ELOC: variants seen among roughly 807,000 people sequenced by gnomAD.
ELOC encodes the protein elongin-C.
For missense variants in ELOC, 38 were observed against 139.0 expected, an observed-to-expected ratio of 0.27 and a Z score of 3.65; for synonymous variants, 40 against 51.3, an observed-to-expected ratio of 0.78 and a Z score of 0.94.
intron 3 of ELOC, among the ~76,000 whole-genome samples, chr8:73,953,621 T>C (rs1586598458): frequency 1.3e-5 from 2 of 151,818 alleles, no homozygotes; most frequent in Non-Finnish European, 2.9e-5. Context: ...GACTGCACCA[T>C]TGCACTGCAG....
chr8:73,948,192 C>G (rs921441868), intron 3 of ELOC, among the ~76,000 whole-genome samples: 2 of 127,950 alleles, frequency 1.6e-5, no homozygotes, highest in African/African-American at 3.0e-5. Flanking sequence ...AACTCCGTCT[C>G]AAAAAAAAAA....
rs187651381 is a variant in ELOC at position 73,950,075 on chromosome 8, T to C, written c.149-3255A>G. Among the ~76,000 whole-genome samples the C allele has an allele frequency of 3.9e-5, 6 of 152,220 alleles. No homozygotes were observed. The East Asian group carries it at 1.2e-3, about 29-fold the overall frequency. ...CCCAGATTGGGGCCCCTAAATACCATTTTCTACTAAAAACAGGGATTTTTG... is the reference window on the plus strand; with the variant it reads ...CCCAGATTGGGGCCCCTAAATACCACTTTCTACTAAAAACAGGGATTTTTG... On this transcript the variant is annotated intron_variant, in intron 3 of 3. Transcript: ENST00000520242.
At chr8:73,960,901 C>T (rs1175749212) in intron 1 of ELOC, among the ~76,000 whole-genome samples, 2 of 152,082 alleles carry the variant, frequency 1.3e-5, no homozygotes, top group Non-Finnish European at 2.9e-5. Flanking sequence ...TGCCTGAACC[C>T]AGGAGACTGA....
At chr8:73,948,582 A>G (rs550664347) in intron 3 of ELOC, among the ~76,000 whole-genome samples, 1 of 152,332 alleles carries the variant, frequency 6.6e-6, no homozygotes, top group South Asian at 2.1e-4. Context: ...AAGATAAAAC[A>G]AAACAAACAA....
At chr8:73,953,383 A>T (rs780372379) in intron 3 of ELOC, among the ~76,000 whole-genome samples, 50 of 148,394 alleles carry the variant, frequency 3.4e-4, no homozygotes, top group African/African-American at 1.3e-3. Context: ...TAGCAGTGAT[A>T]AAAAAAAGAG....
At chr8:73,951,843 T>C (rs781327670) in intron 3 of ELOC, among the ~76,000 whole-genome samples, 1 of 152,108 alleles carries the variant, frequency 6.6e-6, no homozygotes, top group Non-Finnish European at 1.5e-5. Flanking sequence ...GACAGACATA[T>C]AGATCAATGG....
chr8:73,963,116 G>A lies in ELOC; in HGVS notation c.-50-3298C>T, dbSNP rs574087940. Among the ~76,000 whole-genome samples the A allele has an allele frequency of 4.6e-5, 7 of 152,244 alleles. No individual in the cohort carries two copies. The South Asian group carries it at 8.3e-4, about 18-fold the overall frequency. ...GAACAATGGCCTGAGACGTCATTATGCTTTTAAGGTGTTACATATAAATAT... is the reference window on the plus strand; with the variant it reads ...GAACAATGGCCTGAGACGTCATTATACTTTTAAGGTGTTACATATAAATAT... On this transcript the variant is annotated intron_variant, in intron 1 of 3. Coordinates refer to ENST00000520242, the MANE Select transcript of ELOC (RefSeq NM_005648.4).
intron 1 of ELOC, among the ~76,000 whole-genome samples, chr8:73,962,578 A>AAC (rs1554596122): frequency 1.2e-3 from 183 of 151,804 alleles, no homozygotes; most frequent in South Asian, 6.7e-3. Context: ...AACAAAACAA[A>AAC]AAAAAAAACA....
At chr8:73,971,909 C>T (rs1203233595) in intron 1 of ELOC, 168 bp downstream of exon 1, 2 of 152,276 alleles carry the variant, frequency 1.3e-5, no homozygotes, top group Non-Finnish European at 1.5e-5. Flanking sequence ...CTCTTCTCCC[C>T]TCCCCCAAAC....
At chr8:73,956,901 G>T (rs1041514373) in intron 2 of ELOC, among the ~76,000 whole-genome samples, 3 of 152,132 alleles carry the variant, frequency 2.0e-5, no homozygotes, top group Non-Finnish European at 2.9e-5. Flanking sequence ...CAGCACTTTG[G>T]GAGGCCAAGG....
chr8:73,968,019 T>G (rs1012032700), intron 1 of ELOC, among the ~76,000 whole-genome samples: 5 of 152,140 alleles, frequency 3.3e-5, no homozygotes, highest in Non-Finnish European at 5.9e-5. Flanking sequence ...CTATGTGCAG[T>G]TCACAGTAAG....
intron 2 of ELOC, among the ~76,000 whole-genome samples, chr8:73,956,510 CCTT>C (rs1449139842): frequency 2.0e-5 from 3 of 152,076 alleles, no homozygotes; most frequent in African/African-American, 7.2e-5. Flanking sequence ...GTTTTTAACT[CCTT>C]GTTTTATACT....
At chr8:73,959,609 T>C (rs1158776564) in intron 2 of ELOC, among the ~76,000 whole-genome samples, 156 bp downstream of exon 2, 1 of 152,204 alleles carries the variant, frequency 6.6e-6, no homozygotes, top group African/African-American at 2.4e-5. Context: ...AAAATCATTA[T>C]GTAGGGCATG....
chr8:73,959,739 C>T, intron 2 of ELOC, 26 bp downstream of exon 2: 1 of 1,541,458 alleles, frequency 6.5e-7, no homozygotes, highest in Admixed American at 2.1e-5. Flanking sequence ...CTAGTTAAAA[C>T]ACAAAATTAA....
intron 3 of ELOC, 40 bp from the exon 4 acceptor site, chr8:73,946,860 G>A: frequency 6.5e-7 from 1 of 1,541,234 alleles, no homozygotes; most frequent in Non-Finnish European, 8.9e-7. Context: ...TGGCTGAATT[G>A]TGTCCTCCAA....
chr8:73,961,211 A>G (rs1171824698), intron 1 of ELOC, among the ~76,000 whole-genome samples: 1 of 152,206 alleles, frequency 6.6e-6, no homozygotes, highest in Non-Finnish European at 1.5e-5. Context: ...GATCTCATTT[A>G]TACTGATACT....
chr8:73,948,818 C>CA (rs979214029), intron 3 of ELOC, among the ~76,000 whole-genome samples: 10 of 150,480 alleles, frequency 6.6e-5, no homozygotes, highest in Admixed American at 2.0e-4. Context: ...CTGGGCAAGA[C>CA]AGAGACCCTG....
intron 3 of ELOC, among the ~76,000 whole-genome samples, chr8:73,951,290 A>G (rs561878596): frequency 4.7e-4 from 72 of 152,248 alleles, no homozygotes; most frequent in African/African-American, 1.6e-3. Context: ...TAACTATTGA[A>G]GCTGGATGAT....
intron 1 of ELOC, among the ~76,000 whole-genome samples, chr8:73,960,488 C>T (rs1451421978): frequency 6.6e-6 from 1 of 152,128 alleles, no homozygotes; most frequent in Non-Finnish European, 1.5e-5. Context: ...CTTTGAGGTG[C>T]CTTTTTTGAT....
Sources: gnomAD v4.1 joint callset for allele counts (sites outside exome capture counted in the v4.1 genomes callset) on GRCh38, gnomAD v4.1.1 for gene constraint, MANE v1.5 for transcripts, NCBI Gene and HGNC (gene_info 2026-07-23, HGNC 2026-07-21) for gene names.